The following DLGAP2 variants were observed in gnomAD, a reference collection of about 807,000 sequenced individuals.
DLGAP2 encodes disks large-associated protein 2.
In DLGAP2, 26 loss-of-function variants were observed where a neutral mutation model predicts 100.3. The ratio of observed to expected loss-of-function variants is 0.26; its 90% confidence interval spans 0.19 to 0.36. The LOEUF is 0.36. DLGAP2 is among the 10% of genes least tolerant of loss of function. The pLI is 1.00. For synonymous variants in DLGAP2, 886 were observed against 630.1 expected, an observed-to-expected ratio of 1.41 and a Z score of -6.08; for missense variants, 1,858 against 1,453.2, an observed-to-expected ratio of 1.28 and a Z score of -4.53.
intron 1 of DLGAP2, among the ~76,000 whole-genome samples, chr8:787,319 G>T (rs994354129): frequency 3.3e-5 from 5 of 152,210 alleles, no homozygotes; most frequent in African/African-American, 1.2e-4. Context: ...CTGACGTTCT[G>T]TGATGCTGAG....
chr8:1,492,149 G>C (rs750059806), intron 3 of DLGAP2, among the ~76,000 whole-genome samples: 12 of 152,206 alleles, frequency 7.9e-5, no homozygotes, highest in Non-Finnish European at 7.3e-5. Context: ...CTTCTGTGGA[G>C]ACTTGATCCT....
rs562487788 is a variant in DLGAP2, at chr8:1,057,664, C to T, written c.73+149698C>T. Among the ~76,000 whole-genome samples the T allele has an allele frequency of 6.6e-5, 10 of 152,308 alleles. No individual in the cohort carries two copies. The East Asian group carries it at 7.7e-4, about 12-fold the overall frequency. The stretch of plus-strand genomic sequence containing the variant: ...GGGACCAGGCAAACAAGAAAACCTC[C>T]GGTGTAATTTTCTCTGAATTAGATT... On this transcript the variant is annotated intron_variant, in intron 2 of 14. Coordinates refer to ENST00000637795, the MANE Select transcript of DLGAP2 (RefSeq NM_001346810.2).
At chr8:1,144,466 A>C (rs1456746924) in intron 2 of DLGAP2, among the ~76,000 whole-genome samples, 1 of 152,190 alleles carries the variant, frequency 6.6e-6, no homozygotes, top group African/African-American at 2.4e-5. Context: ...AGGCTTCCGA[A>C]TGCTCCTCCC....
intron 12 of DLGAP2, among the ~76,000 whole-genome samples, chr8:1,688,763 A>C (rs1318154487): frequency 6.6e-6 from 1 of 152,228 alleles, no homozygotes; most frequent in Non-Finnish European, 1.5e-5. Flanking sequence ...TTTGAAGAAC[A>C]CATGGTACAG....
intron 2 of DLGAP2, among the ~76,000 whole-genome samples, chr8:1,104,187 G>A (rs904424542): frequency 6.6e-6 from 1 of 152,200 alleles, no homozygotes; most frequent in African/African-American, 2.4e-5. Context: ...AGCAAGAACA[G>A]CATCCAGCCC....
At chr8:1,097,284 C>T (rs796314902) in intron 2 of DLGAP2, among the ~76,000 whole-genome samples, 1 of 103,218 alleles carries the variant, frequency 9.7e-6, no homozygotes, top group Non-Finnish European at 1.8e-5. Context: ...TCAGGAGAGT[C>T]CAGCTGGGAG....
chr8:1,284,885 T>A (rs1384550492), intron 3 of DLGAP2, among the ~76,000 whole-genome samples: 1 of 152,198 alleles, frequency 6.6e-6, no homozygotes. Flanking sequence ...AGCCAGAGCT[T>A]CTTTTCTCCT....
chr8:1,230,460 T>C (rs1310934696), intron 2 of DLGAP2, among the ~76,000 whole-genome samples: 2 of 152,172 alleles, frequency 1.3e-5, no homozygotes, highest in Non-Finnish European at 2.9e-5. Flanking sequence ...GATTCAATGC[T>C]ATTCCTATCA....
chr8:1,456,119 C>T (rs577951202), intron 3 of DLGAP2, among the ~76,000 whole-genome samples: 4 of 152,284 alleles, frequency 2.6e-5, no homozygotes, highest in South Asian at 4.1e-4. Context: ...ACTCCCATGT[C>T]GCGTTGAACT....
intron 1 of DLGAP2, among the ~76,000 whole-genome samples, chr8:799,487 A>C (rs781334039): frequency 6.6e-6 from 1 of 152,194 alleles, no homozygotes; most frequent in Non-Finnish European, 1.5e-5. Context: ...AATTCAGCTT[A>C]CTTCATGTTT....
At chr8:1,342,024 C>G (rs750414430) in intron 3 of DLGAP2, among the ~76,000 whole-genome samples, 3 of 152,088 alleles carry the variant, frequency 2.0e-5, no homozygotes, top group South Asian at 2.1e-4. Flanking sequence ...GATCTCAGGT[C>G]ACTGCAGCCT....
chr8:814,190 A>G (rs1379106702), intron 1 of DLGAP2, among the ~76,000 whole-genome samples: 1 of 152,240 alleles, frequency 6.6e-6, no homozygotes, highest in African/African-American at 2.4e-5. Flanking sequence ...CAATAGAGGC[A>G]GTGAAAAGTA....
rs1473508608 is a variant in DLGAP2 at position 1,548,654 on chromosome 8, G to C, written c.201G>C (p.Gln67His). ...LDPQYSWSPT[Q>H]HFNEERYSPA... ...CGCAGTACTCATGGTCGCCCACGCA[G>C]CACTTCAATGAGGAGCGCTACTCGC... The change falls in exon 5 of 15, where the codon CAG (glutamine) becomes CAC (histidine). Residue 67 changes from glutamine (Q) to histidine (H), a missense_variant. Gln to His is a conservative substitution (Grantham distance 24, BLOSUM62 0). Transcript: ENST00000637795. The C allele has an allele frequency of 3.2e-6, 5 of 1,573,954 alleles. No individual in the cohort carries two copies. The highest frequency in any genetic ancestry group is 3.4e-6 in the Non-Finnish European group (4 of 1,161,502).
chr8:1,296,726 C>T (rs775550323), intron 3 of DLGAP2, among the ~76,000 whole-genome samples: 5 of 152,202 alleles, frequency 3.3e-5, no homozygotes, highest in Non-Finnish European at 7.3e-5. Flanking sequence ...GCGTCAAAGG[C>T]TCTTTGGGTT....
chr8:1,185,034 A>G (rs2116711361), intron 2 of DLGAP2, among the ~76,000 whole-genome samples: 1 of 151,838 alleles, frequency 6.6e-6, no homozygotes, highest in South Asian at 2.1e-4. Flanking sequence ...GGGACGGGGG[A>G]TGGTGAAGTG....
chr8:1,076,210 C>T (rs184369971), intron 2 of DLGAP2, among the ~76,000 whole-genome samples: 15 of 152,322 alleles, frequency 9.8e-5, no homozygotes, highest in African/African-American at 3.6e-4. Flanking sequence ...TCTCCCCTCA[C>T]CCCTGTGCCA....
intron 3 of DLGAP2, among the ~76,000 whole-genome samples, chr8:1,453,820 A>G (rs1798230150): frequency 6.6e-6 from 1 of 152,256 alleles, no homozygotes; most frequent in Non-Finnish European, 1.5e-5. Flanking sequence ...AAGAATTATG[A>G]AGAAAAACGC....
chr8:1,023,923 A>G (rs1012469164), intron 2 of DLGAP2, among the ~76,000 whole-genome samples: 2 of 132,942 alleles, frequency 1.5e-5, no homozygotes, highest in Non-Finnish European at 3.2e-5. Flanking sequence ...ATGCTCTGCA[A>G]AATCCCGGCT....
At chr8:1,475,728 C>T (rs907652986) in intron 3 of DLGAP2, among the ~76,000 whole-genome samples, 11 of 152,152 alleles carry the variant, frequency 7.2e-5, no homozygotes, top group Non-Finnish European at 1.2e-4. Context: ...CACCTGCCGG[C>T]TTGGGGAGCT....
Sources: allele counts gnomAD v4.1 joint callset (sites outside exome capture counted in the v4.1 genomes callset), GRCh38; gene constraint gnomAD v4.1.1; transcripts MANE v1.5; gene names NCBI Gene and HGNC (gene_info 2026-07-23, HGNC 2026-07-21).